NPIPB2: variants seen among roughly 807,000 people sequenced by gnomAD.
NPIPB2 encodes the protein nuclear pore complex-interacting protein family member B2.
Under a neutral mutation model 30.8 loss-of-function variants are expected in NPIPB2, and 27 were observed. The ratio of observed to expected loss-of-function variants is 0.88; its 90% CI spans 0.65 to 1.21. The LOEUF (loss-of-function observed/expected upper bound fraction) is 1.21, where lower values mean the gene tolerates loss of function less well. Among genes scored for constraint, NPIPB2 ranks in the 50% most tolerant of loss-of-function variants. The pLI is 0.00. For synonymous variants in NPIPB2, 147 were observed against 162.0 expected (o/e 0.91, Z 0.70); for missense variants, 440 against 446.2 (o/e 0.99, Z 0.13).
chr16:11,953,472 T>C (rs1295232371), intron 1 of NPIPB2, among the ~76,000 whole-genome samples: 1 of 152,146 alleles, frequency 6.6e-6, no homozygotes, highest in Non-Finnish European at 1.5e-5. Flanking sequence ...TGCCTCAGCC[T>C]CTCGAGTAGC....
chr16:11,934,625 C>G (rs1176735483), intron 2 of NPIPB2, among the ~76,000 whole-genome samples: 2 of 151,028 alleles, frequency 1.3e-5, no homozygotes, highest in African/African-American at 4.9e-5. Flanking sequence ...CTTTGGGAGG[C>G]TGAGGTGGGT....
intron 1 of NPIPB2, chr16:11,966,200 A>C: frequency 6.2e-7 from 1 of 1,612,736 alleles, no homozygotes; most frequent in Non-Finnish European, 8.5e-7. Flanking sequence ...TAAAGGTGTG[A>C]CCAATTCAGT....
intron 1 of NPIPB2, among the ~76,000 whole-genome samples, chr16:11,975,149 T>C (rs1192946993): frequency 1.6e-5 from 1 of 63,852 alleles, no homozygotes; most frequent in African/African-American, 5.8e-5. Context: ...ACCTTTTTTT[T>C]TTTTTTTTTT....
chr16:11,965,094 T>G (rs2055182681), intron 1 of NPIPB2: 1 of 574,218 alleles, frequency 1.7e-6, no homozygotes, highest in Non-Finnish European at 3.1e-6. Context: ...ACACCCTGTC[T>G]CTTACCCCAT....
chr16:11,960,553 T>C (rs907088926), intron 1 of NPIPB2, among the ~76,000 whole-genome samples: 1 of 152,054 alleles, frequency 6.6e-6, no homozygotes, highest in African/African-American at 2.4e-5. Context: ...AGACGGGGTT[T>C]CACCATGTTG....
chr16:11,937,634 C>A, exon 2 of NPIPB2: 1 of 1,599,278 alleles, frequency 6.3e-7, no homozygotes, highest in Non-Finnish European at 8.5e-7. Flanking sequence ...AAAGTCAGTC[C>A]CACGATGATG....
intron 1 of NPIPB2, among the ~76,000 whole-genome samples, chr16:11,938,742 G>GTAAT (rs1250789094): frequency 6.6e-6 from 1 of 152,066 alleles, no homozygotes; most frequent in African/African-American, 2.4e-5. Context: ...TAAGTATAAA[G>GTAAT]TAATTATCTT....
At chr16:11,975,186 C>T (rs1403380190) in intron 1 of NPIPB2, among the ~76,000 whole-genome samples, 13 of 62,568 alleles carry the variant, frequency 2.1e-4, no homozygotes, top group African/African-American at 4.4e-4. Context: ...CTCGCTCTGT[C>T]GCCCAGGCTG....
At chr16:11,965,377 T>C (rs1353355145) in intron 1 of NPIPB2, 5 of 1,614,124 alleles carry the variant, frequency 3.1e-6, no homozygotes, top group Non-Finnish European at 4.2e-6. Context: ...GACAGTTTGT[T>C]GCATGCTTGC....
At chr16:11,967,770 A>G in intron 1 of NPIPB2, 1 of 1,614,242 alleles carries the variant, frequency 6.2e-7, no homozygotes, top group Non-Finnish European at 8.5e-7. Flanking sequence ...TGTCACCACG[A>G]AAACGAATGA....
intron 1 of NPIPB2, among the ~76,000 whole-genome samples, chr16:11,957,109 C>T (rs2055118395): frequency 6.6e-6 from 1 of 151,594 alleles, no homozygotes; most frequent in South Asian, 2.1e-4. Flanking sequence ...TCTCCTGCCT[C>T]AGCCTCCAAG....
At chr16:11,967,897 T>G in intron 1 of NPIPB2, 3 of 1,583,566 alleles carry the variant, frequency 1.9e-6, no homozygotes, top group Non-Finnish European at 2.6e-6. Flanking sequence ...TTTGTCAGAA[T>G]AGATGATGTG....
intron 4 of NPIPB2, among the ~76,000 whole-genome samples, chr16:11,931,616 A>T (rs1008410803): frequency 1.3e-5 from 2 of 151,232 alleles, no homozygotes. Context: ...GCTTAATGCA[A>T]ATGAGAAGCC....
intron 1 of NPIPB2, among the ~76,000 whole-genome samples, chr16:11,948,009 A>G (rs2055028896): frequency 6.7e-6 from 1 of 148,254 alleles, no homozygotes; most frequent in South Asian, 2.2e-4. Context: ...TGGCCACTAG[A>G]TACAGACCCC....
chr16:11,967,490 T>A (rs926684039), intron 1 of NPIPB2: 1 of 1,397,816 alleles, frequency 7.2e-7, no homozygotes, highest in Non-Finnish European at 9.8e-7. Context: ...TTGCTTTGAG[T>A]CCCGATGTGT....
intron 1 of NPIPB2, chr16:11,965,525 G>C: frequency 1.3e-6 from 2 of 1,483,156 alleles, no homozygotes; most frequent in East Asian, 2.3e-5. Context: ...CTTATTCAGA[G>C]AATCAACATA....
upstream of NPIPB2, among the ~76,000 whole-genome samples, chr16:11,942,277 T>C (rs2054952130): frequency 6.8e-6 from 1 of 148,012 alleles, no homozygotes; most frequent in African/African-American, 2.5e-5. Flanking sequence ...AAGTCAATGA[T>C]TAAAAGCTAA....
rs1188985062 is a variant in NPIPB2 at position 11,974,847 on chromosome 16, G to A, written c.-584+1721C>T. ...CCAGCATTTTGGGAGGCCGAGGTGG[G>A]TGAATCACGAGGTCAGGAGATGGAG... On this transcript the variant is annotated intron_variant, in intron 1 of 5. Coordinates refer to the NPIPB2 transcript ENST00000538896. Among the ~76,000 whole-genome samples, 5 of 152,180 alleles carry A rather than the reference G, an allele frequency of 3.3e-5. No homozygotes were observed. The East Asian group carries it at 9.8e-4, about 30-fold the overall frequency.
intron 1 of NPIPB2, among the ~76,000 whole-genome samples, chr16:11,948,149 C>T (rs965339251): frequency 6.6e-6 from 1 of 151,678 alleles, no homozygotes; most frequent in Non-Finnish European, 1.5e-5. Context: ...GGGTGACCAG[C>T]TGTCCTGGGA....
Sources: gnomAD v4.1 joint callset for allele counts (sites outside exome capture counted in the v4.1 genomes callset) on GRCh38, gnomAD v4.1.1 for gene constraint, MANE v1.5 for transcripts, NCBI Gene and HGNC (gene_info 2026-07-23, HGNC 2026-07-21) for gene names.